Variants in PCDH15 observed in about 807,000 individuals in gnomAD.
PCDH15 encodes the protein protocadherin-15.
PCDH15 carries 129 observed loss-of-function variants against 178.5 expected under a neutral mutation model. The ratio of observed to expected loss-of-function variants is 0.72; its 90% CI spans 0.63 to 0.84. PCDH15 has a LOEUF of 0.84. PCDH15 is among the 40% of genes least tolerant of loss of function. The pLI is 0.00. For synonymous variants in PCDH15, 800 were observed against 732.0 expected, an observed-to-expected ratio of 1.09 and a Z score of -1.50; for missense variants, 2,230 against 2,099.9, an observed-to-expected ratio of 1.06 and a Z score of -1.21.
At chr10:55,018,066 A>G (rs1462072949) in intron 2 of PCDH15, among the ~76,000 whole-genome samples, 2 of 152,120 alleles carry the variant, frequency 1.3e-5, no homozygotes, top group African/African-American at 4.8e-5. Context: ...AGAAATTGTG[A>G]ATGTTATTTT....
Position 54,020,197 on chromosome 10 carries a change from C to CAA in PCDH15, c.2744_2745dup (p.Val916LeufsTer2). On this transcript the variant is annotated frameshift_variant, in exon 20 of 38. Coordinates refer to ENST00000644397, the MANE Select transcript of PCDH15 (RefSeq NM_001384140.1). LOFTEE classifies it high-confidence loss of function. The stretch of plus-strand genomic sequence containing the variant: ...AAGTCATCTCTAGCCCTTACCTTTA[C>CAA]AATCACTGTGACAGTAGCAATACCA... The CAA allele has an allele frequency of 6.2e-7, 1 of 1,613,440 alleles. No homozygotes were observed. The highest frequency in any genetic ancestry group is 8.5e-7 in the Non-Finnish European group (1 of 1,179,590).
intron 2 of PCDH15, among the ~76,000 whole-genome samples, chr10:55,407,583 C>A (rs1310805204): frequency 6.6e-6 from 1 of 152,106 alleles, no homozygotes; most frequent in African/African-American, 2.4e-5. Context: ...GGGAGATTTT[C>A]TCCAGCAGGG....
At chr10:55,381,590 A>G (rs150582846) in intron 2 of PCDH15, among the ~76,000 whole-genome samples, 2 of 152,232 alleles carry the variant, frequency 1.3e-5, no homozygotes, top group East Asian at 3.9e-4. Context: ...CATCCTGTCT[A>G]AGCCCATGAT....
rs200547134 is a variant in PCDH15, at chr10:54,234,774, GT to G, written c.985+2048del. 4.3e-3 allele frequency among the ~76,000 whole-genome samples: 652 copies of G among 152,248 alleles called. 5 individuals are homozygous for G. Among genetic ancestry groups the G allele is most frequent in the African/African-American group, 0.014 (599 of 41,540 alleles). On this transcript the variant is annotated intron_variant, in intron 9 of 37. Coordinates refer to ENST00000644397, the MANE Select transcript of PCDH15 (RefSeq NM_001384140.1). Reference sequence around the variant, plus strand: ...GCTGTGACAGCAAATAATTGTAAGAGTTTATATCTATTGTTTGGGACAATCC... The same window carrying G: ...GCTGTGACAGCAAATAATTGTAAGAGTTATATCTATTGTTTGGGACAATCC...
At chr10:55,419,681 A>AT (rs904967933) in intron 2 of PCDH15, among the ~76,000 whole-genome samples, 4 of 151,378 alleles carry the variant, frequency 2.6e-5, no homozygotes, top group Non-Finnish European at 4.4e-5. Flanking sequence ...TTTTCTTTAG[A>AT]TTTTTTTCTA....
chr10:54,884,480 G>GGGGTGTGTGT (rs1554810445), intron 3 of PCDH15, among the ~76,000 whole-genome samples: 1 of 148,622 alleles, frequency 6.7e-6, no homozygotes, highest in African/African-American at 2.5e-5. Context: ...TACTAAGATA[G>GGGGTGTGTGT]GTGTGTGTGT....
At chr10:54,986,570 T>A (rs1839370441) in intron 2 of PCDH15, among the ~76,000 whole-genome samples, 1 of 152,184 alleles carries the variant, frequency 6.6e-6, no homozygotes, top group African/African-American at 2.4e-5. Context: ...TATTAATAGA[T>A]AATGAATCAG....
At position 54,458,666 on chromosome 10, in the gene PCDH15, CT is replaced by C. The variant is rs1280394938; in HGVS notation, c.157+69145del. On this transcript the variant is annotated intron_variant, in intron 3 of 37. Transcript: ENST00000644397. ...TATATATTTACTTGCAGAACTTGTT[CT>C]TTGATTACAGGCATTCACCATACAT... Among the ~76,000 whole-genome samples the C allele has an allele frequency of 4.6e-5, 7 of 152,136 alleles. No homozygotes were observed. In the East Asian group the frequency reaches 1.4e-3, roughly 30 times the overall value.
At chr10:54,759,628 C>T (rs55826808) in intron 1 of PCDH15, among the ~76,000 whole-genome samples, 11,597 of 152,158 alleles carry the variant, frequency 0.076, 1,451 homozygotes, top group African/African-American at 0.26. Flanking sequence ...CTTTCGGCAG[C>T]GTATTTTTAA....
At chr10:55,518,229 T>A (rs1011887802) in intron 2 of PCDH15, among the ~76,000 whole-genome samples, 1 of 152,154 alleles carries the variant, frequency 6.6e-6, no homozygotes, top group Non-Finnish European at 1.5e-5. Flanking sequence ...CCCAATCACC[T>A]GTCTATACAA....
At chr10:55,492,402 T>G (rs1278233786) in intron 2 of PCDH15, among the ~76,000 whole-genome samples, 5 of 151,670 alleles carry the variant, frequency 3.3e-5, no homozygotes, top group Non-Finnish European at 7.4e-5. Context: ...CAATAGCCCT[T>G]GGAATGATGC....
chr10:54,294,068 C>G (rs2059593907), intron 8 of PCDH15, among the ~76,000 whole-genome samples: 1 of 152,056 alleles, frequency 6.6e-6, no homozygotes, highest in Non-Finnish European at 1.5e-5. Flanking sequence ...GGAACCAACC[C>G]AAATGTCCAA....
intron 20 of PCDH15, among the ~76,000 whole-genome samples, chr10:54,010,187 TG>T (rs1413969195): frequency 2.0e-5 from 3 of 152,016 alleles, no homozygotes; most frequent in Non-Finnish European, 4.4e-5. Context: ...CTCTTAGGCT[TG>T]GGAGGGACAG....
intron 13 of PCDH15, among the ~76,000 whole-genome samples, chr10:54,155,056 T>C (rs1383650967): frequency 6.6e-6 from 1 of 152,188 alleles, no homozygotes; most frequent in Non-Finnish European, 1.5e-5. Context: ...TCTCAGGAAA[T>C]CTTAATTAAA....
chr10:54,389,154 AC>A (rs1458615845), intron 3 of PCDH15, among the ~76,000 whole-genome samples: 2 of 41,942 alleles, frequency 4.8e-5, no homozygotes, highest in African/African-American at 1.2e-4. Flanking sequence ...GGAAAAAAAA[AC>A]AAAACAAAAC....
intron 8 of PCDH15, among the ~76,000 whole-genome samples, chr10:54,288,831 A>G (rs2059203298): frequency 6.6e-6 from 1 of 152,194 alleles, no homozygotes; most frequent in African/African-American, 2.4e-5. Context: ...GCCATTGCTG[A>G]GGCTTGAGTA....
At chr10:54,986,957 T>A (rs1422088288) in intron 2 of PCDH15, among the ~76,000 whole-genome samples, 1 of 152,152 alleles carries the variant, frequency 6.6e-6, no homozygotes, top group African/African-American at 2.4e-5. Flanking sequence ...TACATAGATA[T>A]ACGTGTGCTA....
intron 3 of PCDH15, among the ~76,000 whole-genome samples, chr10:54,847,900 A>C (rs1480315922): frequency 6.6e-6 from 1 of 152,194 alleles, no homozygotes; most frequent in Non-Finnish European, 1.5e-5. Flanking sequence ...CAGGACTTGA[A>C]TATACTGCAG....
At chr10:55,069,270 T>C (rs1841656085) in intron 2 of PCDH15, among the ~76,000 whole-genome samples, 1 of 133,454 alleles carries the variant, frequency 7.5e-6, no homozygotes, top group African/African-American at 2.5e-5. Context: ...TTTTTTCATG[T>C]TTAAAATAAC....
Sources: gnomAD v4.1 joint callset for allele counts (sites outside exome capture counted in the v4.1 genomes callset) on GRCh38, gnomAD v4.1.1 for gene constraint, MANE v1.5 for transcripts, NCBI Gene and HGNC (gene_info 2026-07-23, HGNC 2026-07-21) for gene names.